The following CLIC5 variants were observed in gnomAD, a reference collection of about 807,000 sequenced individuals.
CLIC5 encodes CLIC family member 5, also known as chloride intracellular channel protein 5.
In CLIC5, 20 loss-of-function variants were observed where a neutral mutation model predicts 24.7. The ratio of observed to expected loss-of-function variants is 0.81; its 90% CI spans 0.57 to 1.18. CLIC5 has a LOEUF of 1.18. Among genes scored for constraint, CLIC5 ranks in the 50% most tolerant of loss-of-function variants. The pLI is 0.00. For synonymous variants in CLIC5, 159 were observed against 135.6 expected (o/e 1.17, Z -1.20); for missense variants, 341 against 326.1 (o/e 1.05, Z -0.35).
rs1171021603 is a variant in CLIC5 at position 46,075,166 on chromosome 6, A to T, written c.540+4537T>A. Among the ~76,000 whole-genome samples, 3 of 152,210 alleles carry T rather than the reference A, an allele frequency of 2.0e-5. No homozygotes were observed. The East Asian group carries it at 5.8e-4, about 29-fold the overall frequency. On this transcript the variant is annotated intron_variant, in intron 1 of 5. Coordinates refer to the CLIC5 transcript ENST00000185206. ...ATAATAACCCTATGAGGAAGGTATC[A>T]TAATGTCCATTTTATCAATGAGGAA... is the stretch of plus-strand genomic sequence containing the variant.
intron 1 of CLIC5, among the ~76,000 whole-genome samples, chr6:45,969,464 C>G (rs532021134): frequency 4.8e-5 from 7 of 145,190 alleles, no homozygotes; most frequent in African/African-American, 1.8e-4. Context: ...CCCCCTCCTG[C>G]TCTATCCAAC....
chr6:45,947,933 T>C (rs79128581), intron 3 of CLIC5, among the ~76,000 whole-genome samples: 4 of 152,196 alleles, frequency 2.6e-5, no homozygotes, highest in Non-Finnish European at 4.4e-5. Context: ...TGACTGAATA[T>C]GGATGACAAA....
the CLIC5 span, among the ~76,000 whole-genome samples, chr6:46,086,423 G>T: frequency 1.3e-5 from 2 of 152,176 alleles, no homozygotes; most frequent in Admixed American, 6.5e-5. Context: ...ATAGATAAGT[G>T]GACAATTAGA....
At chr6:45,918,447 C>T (rs910734617) in intron 4 of CLIC5, among the ~76,000 whole-genome samples, 1 of 152,198 alleles carries the variant, frequency 6.6e-6, no homozygotes, top group African/African-American at 2.4e-5. Context: ...CTGGCAAACT[C>T]AGTGCAGCAC....
At chr6:46,006,843 T>C (rs1581854273) in intron 1 of CLIC5, among the ~76,000 whole-genome samples, 2 of 151,840 alleles carry the variant, frequency 1.3e-5, no homozygotes, top group East Asian at 3.9e-4. Context: ...ACCCGGCTAA[T>C]TTTTTTGTAT....
intron 1 of CLIC5, among the ~76,000 whole-genome samples, chr6:46,047,067 C>A (rs998997447): frequency 5.9e-5 from 9 of 152,156 alleles, no homozygotes; most frequent in Admixed American, 3.3e-4. Context: ...GCAAAATTTG[C>A]AAGCATAAGA....
At chr6:46,087,829 A>G in the CLIC5 span, among the ~76,000 whole-genome samples, 2 of 152,194 alleles carry the variant, frequency 1.3e-5, no homozygotes, top group African/African-American at 2.4e-5. Flanking sequence ...GATAAAGACA[A>G]TGCTACATTT....
chr6:46,024,838 C>T (rs935679731), intron 1 of CLIC5, among the ~76,000 whole-genome samples: 37 of 152,072 alleles, frequency 2.4e-4, no homozygotes, highest in African/African-American at 5.6e-4. Flanking sequence ...TTAAGAGTGA[C>T]GCCAATCTTG....
At chr6:45,931,639 T>A (rs1763740083) in intron 4 of CLIC5, among the ~76,000 whole-genome samples, 1 of 152,174 alleles carries the variant, frequency 6.6e-6, no homozygotes, top group South Asian at 2.1e-4. Context: ...TAGCATTTTG[T>A]TGTTGTTTCT....
At chr6:45,885,146 T>C (rs1387568612) in intron 6 of CLIC5, among the ~76,000 whole-genome samples, 2 of 152,040 alleles carry the variant, frequency 1.3e-5, no homozygotes, top group Non-Finnish European at 2.9e-5. Context: ...AAATCCAAAG[T>C]CCAATGTGAT....
intron 1 of CLIC5, among the ~76,000 whole-genome samples, chr6:46,057,008 A>G (rs912933732): frequency 2.0e-5 from 3 of 152,160 alleles, no homozygotes; most frequent in African/African-American, 7.2e-5. Context: ...CATATCTCAG[A>G]AGTTCTACCT....
chr6:45,912,802 A>G, intron 5 of CLIC5: 1 of 1,162,690 alleles, frequency 8.6e-7, no homozygotes, highest in South Asian at 1.3e-5. Context: ...CTTCAAAGAG[A>G]CATAGATTGG....
intron 1 of CLIC5, among the ~76,000 whole-genome samples, chr6:46,002,383 G>A (rs966755361): frequency 2.0e-5 from 3 of 152,128 alleles, no homozygotes; most frequent in Non-Finnish European, 4.4e-5. Context: ...ATGATTTTCA[G>A]AGCTTACTCT....
chr6:46,033,229 C>T (rs1244371568), intron 1 of CLIC5, among the ~76,000 whole-genome samples: 6 of 151,648 alleles, frequency 4.0e-5, no homozygotes, highest in Admixed American at 6.6e-5. Flanking sequence ...CCTCATGATC[C>T]GCCCGCCTCG....
At chr6:45,986,350 T>G (rs1022662349) in intron 1 of CLIC5, among the ~76,000 whole-genome samples, 15 of 152,142 alleles carry the variant, frequency 9.9e-5, no homozygotes, top group African/African-American at 3.4e-4. Context: ...GAGCACTAGG[T>G]TAGGAGTCAG....
intron 4 of CLIC5, among the ~76,000 whole-genome samples, chr6:45,924,425 G>T (rs4714889): frequency 6.6e-6 from 1 of 152,190 alleles, no homozygotes; most frequent in Non-Finnish European, 1.5e-5. Flanking sequence ...ATGTGCCCCA[G>T]CAAAAATTAC....
At position 45,983,335 on chromosome 6, in the gene CLIC5, A is replaced by C. The variant is rs117335172; in HGVS notation, c.64-28091T>G. Reference sequence around the variant, plus strand: ...GTGTGCTGTCATGCACAGAGCCACCAAAGTGTCATCAAATGAGTAGTGTCC... The same window carrying C: ...GTGTGCTGTCATGCACAGAGCCACCCAAGTGTCATCAAATGAGTAGTGTCC... On this transcript the variant is annotated intron_variant, in intron 1 of 5. Transcript: ENST00000339561. 1.1e-3 allele frequency among the ~76,000 whole-genome samples: 162 copies of C among 152,286 alleles called. 5 individuals carry two copies. The East Asian group carries it at 0.03, about 28-fold the overall frequency.
At chr6:45,995,941 A>AAC (rs950018355) in intron 1 of CLIC5, among the ~76,000 whole-genome samples, 4 of 151,958 alleles carry the variant, frequency 2.6e-5, no homozygotes, top group African/African-American at 4.8e-5. Flanking sequence ...GAAGTGGAAC[A>AAC]ACACACACAC....
chr6:46,093,997 C>T, the CLIC5 span, among the ~76,000 whole-genome samples: 1 of 152,222 alleles, frequency 6.6e-6, no homozygotes, highest in Non-Finnish European at 1.5e-5. Context: ...GAAGCTTTTA[C>T]TCATGCCAGA....
Sources: gnomAD v4.1 joint callset for allele counts (sites outside exome capture counted in the v4.1 genomes callset) on GRCh38, gnomAD v4.1.1 for gene constraint, MANE v1.5 for transcripts, NCBI Gene and HGNC (gene_info 2026-07-23, HGNC 2026-07-21) for gene names.